Variants in MPDZ observed in about 807,000 individuals in gnomAD.
The protein encoded by MPDZ is multiple PDZ domain crumbs cell polarity complex component, also known as multiple PDZ domain protein.
Under a neutral mutation model 239.1 loss-of-function variants are expected in MPDZ, and 234 were observed. The ratio of observed to expected loss-of-function variants is 0.98; its 90% CI spans 0.88 to 1.09. The LOEUF is 1.09. Ranked by LOEUF, MPDZ falls within the 50% of genes least tolerant of loss-of-function variation. The pLI is 0.00. For synonymous variants in MPDZ, 1,048 were observed against 881.3 expected (o/e 1.19, Z -3.35); for missense variants, 3,175 against 2,510.0 (o/e 1.26, Z -5.66).
At chr9:13,151,404 T>C (rs1310441102) in intron 24 of MPDZ, among the ~76,000 whole-genome samples, 1 of 152,088 alleles carries the variant, frequency 6.6e-6, no homozygotes, top group Non-Finnish European at 1.5e-5. Context: ...CAATTATCTA[T>C]CAAGAAATGA....
intron 23 of MPDZ, among the ~76,000 whole-genome samples, chr9:13,159,405 G>A (rs1950203341): frequency 1.3e-5 from 2 of 152,134 alleles, no homozygotes; most frequent in Admixed American, 1.3e-4. Flanking sequence ...GGGTAGGACT[G>A]GTGGGAAGAG....
chr9:13,269,626 G>GAA (rs1282994472), intron 1 of MPDZ, among the ~76,000 whole-genome samples: 1 of 151,932 alleles, frequency 6.6e-6, no homozygotes, highest in Non-Finnish European at 1.5e-5. Flanking sequence ...ATACAAACAA[G>GAA]AAAAAAATAA....
intron 1 of MPDZ, among the ~76,000 whole-genome samples, chr9:13,263,121 T>G (rs1971055834): frequency 6.6e-6 from 1 of 152,094 alleles, no homozygotes; most frequent in South Asian, 2.1e-4. Flanking sequence ...TGATATAATG[T>G]CCACAATTTG....
chr9:13,115,129 A>G (rs1428885557), intron 40 of MPDZ, 119 bp downstream of exon 40: 10 of 754,328 alleles, frequency 1.3e-5, no homozygotes, highest in Admixed American at 6.8e-5. Flanking sequence ...TCTGCACCTC[A>G]GTCACTATCC....
At chr9:13,162,227 G>A (rs1054481795) in intron 23 of MPDZ, among the ~76,000 whole-genome samples, 1 of 149,642 alleles carries the variant, frequency 6.7e-6, no homozygotes, top group Non-Finnish European at 1.5e-5. Flanking sequence ...TGGCACCACT[G>A]TACTCTAGCC....
At chr9:13,213,123 G>A (rs1038569308) in intron 10 of MPDZ, among the ~76,000 whole-genome samples, 8 of 151,986 alleles carry the variant, frequency 5.3e-5, no homozygotes, top group Non-Finnish European at 1.0e-4. Flanking sequence ...AAAAGAATGA[G>A]TGTTTTTATC....
At chr9:13,256,821 T>C (rs1969552230) in intron 1 of MPDZ, among the ~76,000 whole-genome samples, 1 of 152,210 alleles carries the variant, frequency 6.6e-6, no homozygotes, top group Non-Finnish European at 1.5e-5. Context: ...AAAGTAAGCA[T>C]GTGCTGTTGG....
chr9:13,138,810 C>T (rs767106037), intron 28 of MPDZ, among the ~76,000 whole-genome samples: 3 of 152,188 alleles, frequency 2.0e-5, no homozygotes, highest in Non-Finnish European at 4.4e-5. Context: ...CAGTGCACAG[C>T]CACAGATGAG....
At chr9:13,251,019 C>T (rs1967829835) in intron 1 of MPDZ, among the ~76,000 whole-genome samples, 3 of 150,312 alleles carry the variant, frequency 2.0e-5, no homozygotes, top group Admixed American at 1.3e-4. Context: ...ATCCCAGCTA[C>T]TCAGGATGCG....
At chr9:13,167,893 T>C (rs1318244422) in intron 22 of MPDZ, among the ~76,000 whole-genome samples, 1 of 152,134 alleles carries the variant, frequency 6.6e-6, no homozygotes, top group South Asian at 2.1e-4. Context: ...GGTCATGAGA[T>C]AGCTCAAGAA....
intron 14 of MPDZ, 98 bp downstream of exon 14, chr9:13,193,069 G>C: frequency 8.5e-7 from 1 of 1,182,920 alleles, no homozygotes; most frequent in Non-Finnish European, 1.1e-6. Context: ...CCCCTTTGGA[G>C]GGGAAATTTA....
At chr9:13,143,908 G>A (rs1948089400) in intron 26 of MPDZ, among the ~76,000 whole-genome samples, 2 of 151,996 alleles carry the variant, frequency 1.3e-5, no homozygotes, top group Admixed American at 6.6e-5. Context: ...ATGAATACCA[G>A]TAAACATGTT....
rs750133705 is a variant in MPDZ, at chr9:13,217,256, T to C, written c.1125A>G (p.Thr375=). Residue 375 remains threonine, a synonymous_variant, in exon 9 of 47, where the codon ACA becomes ACG. Coordinates refer to ENST00000319217, the MANE Select transcript of MPDZ (RefSeq NM_001378778.1). Reference sequence around the variant, plus strand: ...CATTTTTAGTGAGTTCTACATCAAATGTCTCACTTTCTTCACCTTTCTGAG... The same window carrying C: ...CATTTTTAGTGAGTTCTACATCAAACGTCTCACTTTCTTCACCTTTCTGAG... ...ASTQKGEESE[T]FDVELTKNVQ... 1.2e-6 allele frequency: 2 copies of C among 1,603,226 alleles called. No individual in the cohort carries two copies. The highest frequency in any genetic ancestry group is 1.7e-6 in the Non-Finnish European group (2 of 1,174,100).
intron 8 of MPDZ, among the ~76,000 whole-genome samples, chr9:13,218,818 G>A (rs535564458): frequency 9.9e-5 from 15 of 151,908 alleles, no homozygotes; most frequent in African/African-American, 3.6e-4. Context: ...AAATTATTTT[G>A]TTGATATTTA....
intron 1 of MPDZ, among the ~76,000 whole-genome samples, chr9:13,268,652 G>A (rs1972319454): frequency 6.6e-6 from 1 of 152,206 alleles, no homozygotes; most frequent in Admixed American, 6.5e-5. Flanking sequence ...TCATCTCGAA[G>A]TATGAGCCGA....
At chr9:13,115,886 A>C (rs1943348085) in intron 39 of MPDZ, among the ~76,000 whole-genome samples, 3 of 144,848 alleles carry the variant, frequency 2.1e-5, no homozygotes, top group Admixed American at 7.1e-5. Context: ...CGGAGCTTGC[A>C]GTGAGCCAAG....
chr9:13,267,769 G>A (rs1972091470), intron 1 of MPDZ, among the ~76,000 whole-genome samples: 1 of 152,140 alleles, frequency 6.6e-6, no homozygotes, highest in Admixed American at 6.5e-5. Context: ...AGATGGAATG[G>A]CACTGAGATG....
chr9:13,107,876 A>G (rs1941746185), intron 46 of MPDZ, among the ~76,000 whole-genome samples: 1 of 152,178 alleles, frequency 6.6e-6, no homozygotes, highest in South Asian at 2.1e-4. Context: ...TTCTTAAAAT[A>G]TGTTCTAACT....
chr9:13,190,695 A>G (rs908726201), intron 15 of MPDZ, among the ~76,000 whole-genome samples: 1 of 152,200 alleles, frequency 6.6e-6, no homozygotes, highest in African/African-American at 2.4e-5. Context: ...GAAAATGGAT[A>G]TATGCAAAAG....
Sources: allele counts gnomAD v4.1 joint callset (sites outside exome capture counted in the v4.1 genomes callset), GRCh38; gene constraint gnomAD v4.1.1; transcripts MANE v1.5; gene names NCBI Gene and HGNC (gene_info 2026-07-23, HGNC 2026-07-21).